DENND1A: variants seen among roughly 807,000 people sequenced by gnomAD.
The protein encoded by DENND1A is DENN domain containing 1A.
A neutral mutation model predicts 113.7 loss-of-function variants in DENND1A; 51 were observed. That is an observed-to-expected ratio of 0.45 (90% CI 0.36 to 0.57). DENND1A has a LOEUF of 0.57. Among genes scored for constraint, DENND1A ranks in the 20% least tolerant of loss-of-function variants. The pLI, the probability that DENND1A is intolerant of heterozygous loss-of-function variation, is 0.00. For missense variants in DENND1A, 1,258 were observed against 1,395.9 expected, an observed-to-expected ratio of 0.90 and a Z score of 1.57; for synonymous variants, 565 against 570.8, an observed-to-expected ratio of 0.99 and a Z score of 0.14.
At chr9:123,902,430 T>G (rs927190014) in intron 1 of DENND1A, among the ~76,000 whole-genome samples, 4 of 152,164 alleles carry the variant, frequency 2.6e-5, no homozygotes, top group African/African-American at 9.7e-5. Context: ...TTACTAGGAA[T>G]TCAACTAGGA....
intron 12 of DENND1A, among the ~76,000 whole-genome samples, chr9:123,568,065 C>T (rs1036627746): frequency 6.6e-6 from 1 of 152,158 alleles, no homozygotes; most frequent in Non-Finnish European, 1.5e-5. Flanking sequence ...TCAGACCTGA[C>T]ATGGAATGAG....
Position 123,380,369 on chromosome 9 carries a change from G to A in DENND1A, c.*1063C>T, listed in dbSNP as rs1275390396. On this transcript the variant is annotated 3_prime_UTR_variant, in exon 24 of 24. Coordinates refer to ENST00000394215, the MANE Select transcript of DENND1A (RefSeq NM_001352964.2). Reference sequence around the variant, plus strand: ...TCAGGAATTTCTGTGCTGGCCTGGAGCTCTGGGCAGGTGGGGAGGGACTGG... The same window carrying A: ...TCAGGAATTTCTGTGCTGGCCTGGAACTCTGGGCAGGTGGGGAGGGACTGG... 6.6e-6 allele frequency: 1 copy of A among 152,590 alleles called. No homozygotes were observed. The highest frequency in any genetic ancestry group is 1.5e-5 in the Non-Finnish European group (1 of 68,046). 9.5% of individuals were successfully genotyped at this position (152,590 alleles called of 1,614,324 possible).
chr9:123,767,899 C>T (rs981219698), intron 4 of DENND1A, among the ~76,000 whole-genome samples: 2 of 152,144 alleles, frequency 1.3e-5, no homozygotes, highest in African/African-American at 4.8e-5. Flanking sequence ...CACCTAACTG[C>T]ATTTATAAAA....
intron 8 of DENND1A, among the ~76,000 whole-genome samples, chr9:123,661,861 G>A (rs773606597): frequency 6.6e-6 from 1 of 152,136 alleles, no homozygotes; most frequent in Non-Finnish European, 1.5e-5. Flanking sequence ...CGAAAAGAGA[G>A]AGATGGAAAA....
chr9:123,538,563 T>G (rs1008700715), intron 13 of DENND1A, among the ~76,000 whole-genome samples: 1 of 151,906 alleles, frequency 6.6e-6, no homozygotes, highest in African/African-American at 2.4e-5. Context: ...ACTAGGTTCA[T>G]GTAGAAAAAA....
At position 123,878,916 on chromosome 9, in the gene DENND1A, T is replaced by A. The variant is rs1847913382; in HGVS notation, c.88+35A>T. 3 of 1,606,690 alleles carry A rather than the reference T, an allele frequency of 1.9e-6. No homozygotes were observed. In the East Asian group the frequency reaches 6.7e-5, roughly 36 times the overall value. ...GTGCATAGCTATCTCAAACAATAAG[T>A]AACACACCATATCATAATCAAACAT... On this transcript the variant is annotated intron_variant, in intron 2 of 23. Transcript: ENST00000394215.
intron 13 of DENND1A, among the ~76,000 whole-genome samples, chr9:123,549,884 T>C (rs1235255057): frequency 2.0e-5 from 3 of 152,152 alleles, no homozygotes; most frequent in Non-Finnish European, 4.4e-5. Flanking sequence ...GCTGTTTTGA[T>C]TTTACTACTT....
At chr9:123,839,448 T>C (rs1841509512) in intron 2 of DENND1A, among the ~76,000 whole-genome samples, 1 of 152,180 alleles carries the variant, frequency 6.6e-6, no homozygotes, top group African/African-American at 2.4e-5. Flanking sequence ...ATTAAACACA[T>C]TTAAAAAACA....
chr9:123,565,884 C>G (rs896498064), intron 12 of DENND1A, among the ~76,000 whole-genome samples: 1 of 152,172 alleles, frequency 6.6e-6, no homozygotes, highest in African/African-American at 2.4e-5. Flanking sequence ...TCTGTAAGAA[C>G]AAGAAATTTA....
intron 11 of DENND1A, among the ~76,000 whole-genome samples, chr9:123,594,710 T>G (rs2059608097): frequency 6.6e-6 from 1 of 152,148 alleles, no homozygotes; most frequent in Non-Finnish European, 1.5e-5. Flanking sequence ...CCCGTGTTCT[T>G]ACAACTGGAT....
At chr9:123,808,254 C>A (rs985590851) in intron 2 of DENND1A, among the ~76,000 whole-genome samples, 2 of 151,800 alleles carry the variant, frequency 1.3e-5, no homozygotes, top group Admixed American at 6.6e-5. Context: ...AAAAAAACAC[C>A]AAAAAACCTA....
At chr9:123,519,794 G>C (rs1176831174) in intron 13 of DENND1A, among the ~76,000 whole-genome samples, 1 of 152,088 alleles carries the variant, frequency 6.6e-6, no homozygotes, top group Admixed American at 6.5e-5. Flanking sequence ...CATGGCATGT[G>C]ACTCAATTCT....
chr9:123,600,489 G>A (rs753396471), intron 11 of DENND1A, among the ~76,000 whole-genome samples: 6 of 152,246 alleles, frequency 3.9e-5, no homozygotes, highest in Non-Finnish European at 5.9e-5. Context: ...GAAATTACAC[G>A]GCCAAAGTGG....
Position 123,533,675 on chromosome 9 carries a change from C to T in DENND1A, c.993+23895G>A, listed in dbSNP as rs1020039559. 2.9e-4 allele frequency among the ~76,000 whole-genome samples: 44 copies of T among 152,254 alleles called. 1 individual carries two copies. The highest frequency in any genetic ancestry group is 9.9e-4 in the African/African-American group (41 of 41,550). ...TGGATGCTGCCACTACAGAGGGGGA[C>T]CCATTGGAGATGCTCTGTTCAAAGC... On this transcript the variant is annotated intron_variant, in intron 13 of 23. Coordinates refer to ENST00000394215, the MANE Select transcript of DENND1A (RefSeq NM_001352964.2).
intron 13 of DENND1A, among the ~76,000 whole-genome samples, chr9:123,510,602 T>A (rs1332819638): frequency 6.6e-6 from 1 of 151,924 alleles, no homozygotes; most frequent in East Asian, 1.9e-4. Flanking sequence ...GGTGGTAGAG[T>A]GAGATGTGAC....
intron 13 of DENND1A, among the ~76,000 whole-genome samples, chr9:123,518,211 T>C (rs922916461): frequency 2.6e-5 from 4 of 152,126 alleles, no homozygotes; most frequent in Admixed American, 2.6e-4. Flanking sequence ...AATATTATAA[T>C]AGAAAGGGAG....
chr9:123,434,540 G>A (rs910284476), intron 19 of DENND1A, among the ~76,000 whole-genome samples: 23 of 152,334 alleles, frequency 1.5e-4, no homozygotes, highest in African/African-American at 5.5e-4. Context: ...CCCAGGATGT[G>A]CACTGACTGC....
At chr9:123,454,805 T>C (rs2047992016) in intron 15 of DENND1A, 26 bp from the exon 16 acceptor site, 1 of 1,551,292 alleles carries the variant, frequency 6.4e-7, no homozygotes, top group Non-Finnish European at 8.7e-7. Context: ...TCAGAGAAGC[T>C]GTCACTTAAA....
chr9:123,502,469 T>A (rs942632796), intron 13 of DENND1A, among the ~76,000 whole-genome samples: 3 of 152,244 alleles, frequency 2.0e-5, no homozygotes, highest in Non-Finnish European at 2.9e-5. Flanking sequence ...TTATTGGCCA[T>A]TTGTACATTT....
Sources: gnomAD v4.1 joint callset for allele counts (sites outside exome capture counted in the v4.1 genomes callset) on GRCh38, gnomAD v4.1.1 for gene constraint, MANE v1.5 for transcripts, NCBI Gene and HGNC (gene_info 2026-07-23, HGNC 2026-07-21) for gene names.